The following CCDC191 variants were observed in gnomAD, a reference collection of about 807,000 sequenced individuals.
CCDC191 encodes the protein coiled-coil domain containing 191.
In CCDC191, 99 loss-of-function variants were observed where a neutral mutation model predicts 114.0. That is an observed-to-expected ratio of 0.87 (90% CI 0.74 to 1.03). The LOEUF is 1.03. CCDC191 is among the 50% of genes least tolerant of loss of function. The pLI, the probability that CCDC191 is intolerant of heterozygous loss-of-function variation, is 0.00. For synonymous variants in CCDC191, 351 were observed against 376.0 expected (o/e 0.93, Z 0.77); for missense variants, 973 against 1,087.0 (o/e 0.90, Z 1.47).
At chr3:113,985,267 T>G (rs981560172) in intron 13 of CCDC191, among the ~76,000 whole-genome samples, 1 of 152,148 alleles carries the variant, frequency 6.6e-6, no homozygotes, top group African/African-American at 2.4e-5. Flanking sequence ...CCCAGAGCAT[T>G]CTTCCTTAGG....
At chr3:113,965,460 A>T in intron 16 of CCDC191, 101 bp from the exon 17 acceptor site, 1 of 623,176 alleles carries the variant, frequency 1.6e-6, no homozygotes, top group Non-Finnish European at 2.7e-6. Context: ...TATGTTAATA[A>T]AATGCTGTAT....
intron 6 of CCDC191, among the ~76,000 whole-genome samples, chr3:114,032,741 T>A (rs56189581): frequency 0.028 from 4,207 of 152,304 alleles, 85 homozygotes; most frequent in South Asian, 0.048. Context: ...ATCACTTGCT[T>A]AAGGTGGCTT....
chr3:114,028,500 T>A (rs1328359014), intron 7 of CCDC191, among the ~76,000 whole-genome samples: 1 of 151,948 alleles, frequency 6.6e-6, no homozygotes, highest in Non-Finnish European at 1.5e-5. Flanking sequence ...TTAGCCAGGA[T>A]GGTCTCGATC....
chr3:114,020,532 G>A (rs1323429094), intron 7 of CCDC191, among the ~76,000 whole-genome samples: 5 of 152,100 alleles, frequency 3.3e-5, no homozygotes, highest in Admixed American at 6.6e-5. Context: ...AGGGAGAGAG[G>A]AAGGAAAGGA....
In CCDC191 at chr3:114,005,408, G is replaced by C. The variant is rs1249726966; in HGVS notation, c.1868+100C>G. On this transcript the variant is annotated intron_variant, in intron 10 of 16. Coordinates refer to ENST00000295878, the MANE Select transcript of CCDC191 (RefSeq NM_020817.2). ...TTGAGAGTGCAAAATCAAGGAAAAG[G>C]AACAATCATGGGGCTCAGAAGCAGG... 3 of 1,192,290 alleles carry C rather than the reference G, an allele frequency of 2.5e-6. No individual in the cohort carries two copies. The Admixed American group carries it at 7.0e-5, about 28-fold the overall frequency. The allele number at this position is 1,192,290 out of a possible 1,614,324, so 73.9% of individuals were successfully genotyped here. A position where few individuals can be genotyped will look rare whatever the true frequency, so the allele number is the denominator to read the frequency against.
chr3:114,011,055 A>T, intron 8 of CCDC191, 34 bp from the exon 9 acceptor site: 1 of 1,571,980 alleles, frequency 6.4e-7, no homozygotes, highest in Non-Finnish European at 8.6e-7. Flanking sequence ...AAAATAAAGA[A>T]GCCATTTACA....
intron 10 of CCDC191, among the ~76,000 whole-genome samples, chr3:114,005,156 G>C (rs1263823317): frequency 6.6e-6 from 1 of 152,184 alleles, no homozygotes; most frequent in Admixed American, 6.5e-5. Context: ...AGCCAGCCCA[G>C]GGGCTGCTCC....
chr3:114,018,669 T>C lies in CCDC191; in HGVS notation c.1163+9A>G. Reference sequence around the variant, plus strand: ...ACATACTAGATTTTCACAATACAAATAATGATACCTGTTTTCTTCCCTAAG... The same window carrying C: ...ACATACTAGATTTTCACAATACAAACAATGATACCTGTTTTCTTCCCTAAG... On this transcript the variant is annotated intron_variant, in intron 8 of 16. Coordinates refer to ENST00000295878, the MANE Select transcript of CCDC191 (RefSeq NM_020817.2). 6.2e-7 allele frequency: 1 copy of C among 1,601,902 alleles called. No homozygotes were observed. Among genetic ancestry groups the C allele is most frequent in the South Asian group, 1.1e-5 (1 of 89,666 alleles).
chr3:114,027,609 AAAAAAAAAAAAAAG>A (rs1487556724), intron 7 of CCDC191, among the ~76,000 whole-genome samples: 9 of 149,188 alleles, frequency 6.0e-5, no homozygotes, highest in African/African-American at 2.2e-4. Flanking sequence ...CTCAAAAAAA[AAAAAAAAAAAAAAG>A]AAAAAAAAAT....
intron 7 of CCDC191, among the ~76,000 whole-genome samples, chr3:114,030,357 T>C (rs1418424282): frequency 1.3e-5 from 2 of 152,178 alleles, no homozygotes; most frequent in East Asian, 1.9e-4. Context: ...AAATATATCA[T>C]GGTATTTTTT....
At chr3:113,975,753 G>A (rs1323527417) in intron 16 of CCDC191, among the ~76,000 whole-genome samples, 1 of 152,214 alleles carries the variant, frequency 6.6e-6, no homozygotes, top group African/African-American at 2.4e-5. Flanking sequence ...TGAAGCAGAA[G>A]TGAGCTTTGT....
upstream of CCDC191, chr3:114,056,599 C>G: frequency 6.3e-7 from 1 of 1,581,858 alleles, no homozygotes. Context: ...CGTCGAACCA[C>G]CACTCCCACG....
Position 114,002,459 on chromosome 3 carries a change from T to TTTTTCTTCTTC in CCDC191, c.2047_2057dup (p.Leu687LysfsTer8), listed in dbSNP as rs2075872862. ...GTTTGCATTTTGAATCTATTACCAATTTTTCTTCTTCTTGTTTTTTCTTCT... is the reference window on the plus strand; with the variant it reads ...GTTTGCATTTTGAATCTATTACCAATTTTTCTTCTTCTTTTCTTCTTCTTGTTTTTTCTTCT... On this transcript the variant is annotated frameshift_variant, in exon 12 of 17. Transcript: ENST00000295878. LOFTEE classifies it high-confidence loss of function. 1 of 1,605,202 alleles carries TTTTTCTTCTTC rather than the reference T, an allele frequency of 6.2e-7. No individual in the cohort carries two copies. Among genetic ancestry groups the TTTTTCTTCTTC allele is most frequent in the African/African-American group, 1.3e-5 (1 of 74,466 alleles).
At chr3:114,048,392 C>A (rs1482309118) in intron 2 of CCDC191, among the ~76,000 whole-genome samples, 1 of 152,200 alleles carries the variant, frequency 6.6e-6, no homozygotes, top group Non-Finnish European at 1.5e-5. Flanking sequence ...GAATTAATGT[C>A]AAAGTCCTTA....
intron 16 of CCDC191, among the ~76,000 whole-genome samples, chr3:113,975,666 G>GTGA (rs1374302474): frequency 2.6e-5 from 4 of 152,222 alleles, no homozygotes; most frequent in African/African-American, 9.6e-5. Flanking sequence ...TGGATAGACA[G>GTGA]TGATGCAAGT....
chr3:114,027,694 A>C (rs930305165), intron 7 of CCDC191, among the ~76,000 whole-genome samples: 5 of 152,148 alleles, frequency 3.3e-5, no homozygotes, highest in African/African-American at 1.2e-4. Context: ...GCAACTCCTA[A>C]AAACAGATTC....
rs2107753544 is a variant in CCDC191, at chr3:114,045,375, A to T, written c.271+1216T>A. ...CCATTCTTCCTATATTTAATTTATTATTTGTTTATTTATTGAGATGGAGTC... is the reference window on the plus strand; with the variant it reads ...CCATTCTTCCTATATTTAATTTATTTTTTGTTTATTTATTGAGATGGAGTC... On this transcript the variant is annotated intron_variant, in intron 3 of 16. Coordinates refer to ENST00000295878, the MANE Select transcript of CCDC191 (RefSeq NM_020817.2). Among the ~76,000 whole-genome samples, 3 of 151,786 alleles carry T rather than the reference A, an allele frequency of 2.0e-5. No homozygotes were observed. The South Asian group carries it at 6.3e-4, about 32-fold the overall frequency.
At position 113,978,318 on chromosome 3, in the gene CCDC191, A is replaced by G; in HGVS notation, c.2474T>C (p.Leu825Pro). Reference sequence around the variant, plus strand: ...ACAAAATTTTCTTACTTCTTCCTGCAGATCAATCACGTACTGGGGATGAAG... The same window carrying G: ...ACAAAATTTTCTTACTTCTTCCTGCGGATCAATCACGTACTGGGGATGAAG... ...IQSWLQYVIDLQEEVRKFCVH... is the reference protein window; with the variant it reads ...IQSWLQYVIDPQEEVRKFCVH... Residue 825 changes from leucine to proline, a missense_variant, in exon 16 of 17, where the codon CTG becomes CCG. Coordinates refer to ENST00000295878, the MANE Select transcript of CCDC191 (RefSeq NM_020817.2). 3 of 1,613,968 alleles carry G rather than the reference A, an allele frequency of 1.9e-6. No individual in the cohort carries two copies. The highest frequency in any genetic ancestry group is 2.2e-5 in the East Asian group (1 of 44,880).
chr3:113,978,328 C>T lies in CCDC191; in HGVS notation c.2464G>A (p.Val822Met), dbSNP rs1275456969. 5.6e-6 allele frequency: 9 copies of T among 1,613,484 alleles called. No individual in the cohort carries two copies. The highest frequency in any genetic ancestry group is 1.6e-4 in the Middle Eastern group (1 of 6,080). Reference sequence around the variant, plus strand: ...CTTACTTCTTCCTGCAGATCAATCACGTACTGGGGATGAAGACAGAAATAA... The same window carrying T: ...CTTACTTCTTCCTGCAGATCAATCATGTACTGGGGATGAAGACAGAAATAA... ...KRVIQSWLQY[V>M]IDLQEEVRKF... Residue 822 changes from valine to methionine, a missense_variant, in exon 16 of 17, where the codon GTG becomes ATG. Val to Met is a conservative substitution (Grantham distance 21, BLOSUM62 1). Transcript: ENST00000295878.
Sources: allele counts gnomAD v4.1 joint callset (sites outside exome capture counted in the v4.1 genomes callset), GRCh38; gene constraint gnomAD v4.1.1; transcripts MANE v1.5; gene names NCBI Gene and HGNC (gene_info 2026-07-23, HGNC 2026-07-21).